The following HS3ST2 variants were observed in gnomAD, a reference collection of about 807,000 sequenced individuals.
The protein encoded by HS3ST2 is heparan sulfate glucosamine 3-O-sulfotransferase 2.
In HS3ST2, 17 loss-of-function variants were observed where a neutral mutation model predicts 26.3. That is an observed-to-expected ratio of 0.65 (90% CI 0.44 to 0.97). The LOEUF (loss-of-function observed/expected upper bound fraction) is 0.97, where lower values mean the gene tolerates loss of function less well. Among genes scored for constraint, HS3ST2 ranks in the 50% least tolerant of loss-of-function variants. The pLI is 0.00. For missense variants in HS3ST2, 402 were observed against 501.2 expected (o/e 0.80, Z 1.89); for synonymous variants, 237 against 219.2 (o/e 1.08, Z -0.72).
intron 1 of HS3ST2, among the ~76,000 whole-genome samples, chr16:22,864,178 A>G (rs530704077): frequency 3.9e-5 from 6 of 152,276 alleles, no homozygotes; most frequent in Non-Finnish European, 7.4e-5. Flanking sequence ...CTGCACCCAT[A>G]TGCTCAGCAT....
chr16:22,821,422 C>A (rs1017732475), intron 1 of HS3ST2, among the ~76,000 whole-genome samples: 1 of 151,262 alleles, frequency 6.6e-6, no homozygotes, highest in African/African-American at 2.4e-5. Context: ...CCTGTATGAT[C>A]GAGTGACAGG....
chr16:22,895,051 C>T (rs535223682), intron 1 of HS3ST2, among the ~76,000 whole-genome samples: 19 of 149,998 alleles, frequency 1.3e-4, no homozygotes, highest in African/African-American at 4.6e-4. Context: ...GAATTGGTCC[C>T]TTCTTCTTTT....
chr16:22,880,430 A>C (rs1901972864), intron 1 of HS3ST2, among the ~76,000 whole-genome samples: 2 of 152,180 alleles, frequency 1.3e-5, no homozygotes, highest in African/African-American at 4.8e-5. Context: ...AAATGAAATA[A>C]AGTTAAATTA....
At chr16:22,858,315 T>C (rs1433435911) in intron 1 of HS3ST2, among the ~76,000 whole-genome samples, 1 of 150,784 alleles carries the variant, frequency 6.6e-6, no homozygotes, top group Non-Finnish European at 1.5e-5. Flanking sequence ...CATAAATATA[T>C]ACATCTAGTA....
At chr16:22,828,574 G>A (rs1901123871) in intron 1 of HS3ST2, among the ~76,000 whole-genome samples, 1 of 152,210 alleles carries the variant, frequency 6.6e-6, no homozygotes, top group African/African-American at 2.4e-5. Context: ...GTGTGTTTCT[G>A]CTTTGATGGT....
intron 1 of HS3ST2, among the ~76,000 whole-genome samples, chr16:22,902,320 CTT>C (rs1902290702): frequency 6.6e-6 from 1 of 152,166 alleles, no homozygotes; most frequent in African/African-American, 2.4e-5. Context: ...CAGTAGCTAA[CTT>C]AATGCTAGCT....
intron 1 of HS3ST2, among the ~76,000 whole-genome samples, chr16:22,847,347 A>G (rs1284807741): frequency 6.6e-6 from 1 of 152,190 alleles, no homozygotes; most frequent in Non-Finnish European, 1.5e-5. Flanking sequence ...TCCATGGTGT[A>G]TATATATACC....
intron 1 of HS3ST2, among the ~76,000 whole-genome samples, chr16:22,899,207 T>G (rs1197826076): frequency 6.6e-6 from 1 of 152,072 alleles, no homozygotes; most frequent in African/African-American, 2.4e-5. Context: ...AGGGTGCAGA[T>G]GGTGGAGGGT....
chr16:22,866,367 TGC>T (rs1278726060), intron 1 of HS3ST2, among the ~76,000 whole-genome samples: 2 of 102,706 alleles, frequency 1.9e-5, no homozygotes, highest in Admixed American at 9.5e-5. Context: ...CAATATGGTG[TGC>T]GTGTGTGTGT....
intron 1 of HS3ST2, among the ~76,000 whole-genome samples, chr16:22,839,637 A>G (rs1477045579): frequency 6.6e-6 from 1 of 151,098 alleles, no homozygotes; most frequent in African/African-American, 2.4e-5. Flanking sequence ...TGTTTTTGAG[A>G]TGACATACAG....
At chr16:22,837,191 C>G (rs1901270245) in intron 1 of HS3ST2, among the ~76,000 whole-genome samples, 1 of 151,398 alleles carries the variant, frequency 6.6e-6, no homozygotes, top group African/African-American at 2.4e-5. Context: ...CAACTCTCTG[C>G]TGCTTTGCTT....
At chr16:22,844,106 G>A (rs973753161) in intron 1 of HS3ST2, among the ~76,000 whole-genome samples, 2 of 151,894 alleles carry the variant, frequency 1.3e-5, no homozygotes, top group African/African-American at 4.8e-5. Context: ...GTCCTGGCAT[G>A]TTTCATAATT....
intron 1 of HS3ST2, among the ~76,000 whole-genome samples, chr16:22,858,010 T>G (rs984469712): frequency 6.6e-6 from 1 of 152,050 alleles, no homozygotes; most frequent in Non-Finnish European, 1.5e-5. Context: ...CCTTCACTGA[T>G]GTCTACAGTG....
intron 1 of HS3ST2, among the ~76,000 whole-genome samples, chr16:22,882,290 A>T (rs1439688054): frequency 1.3e-5 from 2 of 152,164 alleles, no homozygotes; most frequent in Admixed American, 1.3e-4. Flanking sequence ...TGAGCCTGGG[A>T]TGTTGAGGCT....
chr16:22,870,990 G>A (rs566263795), intron 1 of HS3ST2, among the ~76,000 whole-genome samples: 1 of 152,312 alleles, frequency 6.6e-6, no homozygotes, highest in East Asian at 1.9e-4. Context: ...AACTAGTCAT[G>A]CAGGCACCCT....
chr16:22,838,276 C>T (rs77828125), intron 1 of HS3ST2, among the ~76,000 whole-genome samples: 1,580 of 152,162 alleles, frequency 0.01, 14 homozygotes, highest in Admixed American at 0.017. Flanking sequence ...ATGTACAATT[C>T]CACGACCCAG....
At chr16:22,859,061 G>A (rs1836799740) in intron 1 of HS3ST2, among the ~76,000 whole-genome samples, 1 of 152,182 alleles carries the variant, frequency 6.6e-6, no homozygotes, top group African/African-American at 2.4e-5. Context: ...AGCTACTTGA[G>A]GGGCTGAGGT....
intron 1 of HS3ST2, among the ~76,000 whole-genome samples, chr16:22,838,905 G>A (rs550970153): frequency 2.0e-5 from 3 of 152,186 alleles, no homozygotes; most frequent in South Asian, 4.2e-4. Context: ...ACCAGTCCAG[G>A]CCATTGCTGC....
intron 1 of HS3ST2, among the ~76,000 whole-genome samples, chr16:22,877,377 C>A (rs185432569): frequency 6.6e-6 from 1 of 152,160 alleles, no homozygotes; most frequent in African/African-American, 2.4e-5. Context: ...GCGTGCTCAG[C>A]GACTTCTCCT....
Sources: allele counts gnomAD v4.1 joint callset (sites outside exome capture counted in the v4.1 genomes callset), GRCh38; gene constraint gnomAD v4.1.1; transcripts MANE v1.5; gene names NCBI Gene and HGNC (gene_info 2026-07-23, HGNC 2026-07-21).